Variants in CABLES1 observed in about 807,000 individuals in gnomAD.
CABLES1 encodes the protein Cdk5 and Abl enzyme substrate 1, also known as CDK5 and ABL1 enzyme substrate 1.
A neutral mutation model predicts 57.8 loss-of-function variants in CABLES1; 36 were observed. The observed-to-expected ratio is 0.62, with a 90% CI of 0.48 to 0.82. CABLES1 has a LOEUF of 0.82. CABLES1 is among the 40% of genes least tolerant of loss of function. CABLES1 has a pLI of 0.00. For missense variants in CABLES1, 767 were observed against 836.6 expected, an observed-to-expected ratio of 0.92 and a Z score of 1.03; for synonymous variants, 374 against 363.0, an observed-to-expected ratio of 1.03 and a Z score of -0.35.
chr18:23,252,598 T>C (rs1229611049), intron 7 of CABLES1, among the ~76,000 whole-genome samples: 1 of 152,114 alleles, frequency 6.6e-6, no homozygotes, highest in Admixed American at 6.6e-5. Context: ...CAAGTGGAGA[T>C]TGAACCCAGG....
chr18:23,237,015 G>A (rs774554331), intron 6 of CABLES1, 127 bp from the exon 7 acceptor site: 3 of 680,472 alleles, frequency 4.4e-6, no homozygotes, highest in East Asian at 5.3e-5. Flanking sequence ...GTGCCGTGAC[G>A]TTGAGCTAAG....
At position 23,238,059 on chromosome 18, in the gene CABLES1, C is replaced by T. The variant is rs188713172; in HGVS notation, c.1446+814C>T. On this transcript the variant is annotated intron_variant, in intron 7 of 9. Transcript: ENST00000256925. ...GTTTTGCATGTCCTGGCCCATGAGC[C>T]GGGCCTGGCGGGGCCGGCACAGCCG... 9.9e-5 allele frequency among the ~76,000 whole-genome samples: 15 copies of T among 151,160 alleles called. No individual in the cohort carries two copies. The East Asian group carries it at 2.1e-3, about 22-fold the overall frequency.
At chr18:23,236,206 G>A (rs17797183) in intron 6 of CABLES1, among the ~76,000 whole-genome samples, 155 bp downstream of exon 6, 30,880 of 152,118 alleles carry the variant, frequency 0.2, 3,582 homozygotes, top group Middle Eastern at 0.27. Flanking sequence ...ATGCAGGCCC[G>A]CAATGAAGCC....
At chr18:23,192,818 C>G (rs1300524094) in intron 2 of CABLES1, among the ~76,000 whole-genome samples, 1 of 152,170 alleles carries the variant, frequency 6.6e-6, no homozygotes, top group Non-Finnish European at 1.5e-5. Context: ...AGAAATGAGG[C>G]TGTTTGGAGT....
chr18:23,231,442 C>G (rs905987404), intron 4 of CABLES1, among the ~76,000 whole-genome samples: 3 of 152,240 alleles, frequency 2.0e-5, no homozygotes, highest in African/African-American at 7.2e-5. Flanking sequence ...TAACAAGCCT[C>G]ACGTGTCTCC....
intron 1 of CABLES1, among the ~76,000 whole-genome samples, chr18:23,137,290 G>A (rs1159314914): frequency 6.6e-6 from 1 of 152,204 alleles, no homozygotes; most frequent in African/African-American, 2.4e-5. Context: ...GTTAGCTGAA[G>A]TTATCTGGCG....
chr18:23,250,259 C>A (rs1253233789), intron 7 of CABLES1, among the ~76,000 whole-genome samples: 3 of 152,194 alleles, frequency 2.0e-5, no homozygotes, highest in Non-Finnish European at 4.4e-5. Context: ...TGAGCCTGCT[C>A]ACATCATTGC....
At chr18:23,161,641 T>C (rs2047004886) in intron 1 of CABLES1, among the ~76,000 whole-genome samples, 1 of 150,516 alleles carries the variant, frequency 6.6e-6, no homozygotes, top group Non-Finnish European at 1.5e-5. Context: ...CCGGGTGCAG[T>C]GGCTCATGCC....
intron 4 of CABLES1, among the ~76,000 whole-genome samples, chr18:23,232,618 G>C (rs1259791161): frequency 6.6e-6 from 1 of 152,212 alleles, no homozygotes; most frequent in Non-Finnish European, 1.5e-5. Context: ...TTGTGGGTGT[G>C]AACAGAGTTG....
At chr18:23,242,744 CAA>C (rs1324313570) in intron 7 of CABLES1, among the ~76,000 whole-genome samples, 1 of 152,152 alleles carries the variant, frequency 6.6e-6, no homozygotes, top group Non-Finnish European at 1.5e-5. Flanking sequence ...ATGTAAACCT[CAA>C]GAGAAACCTC....
In CABLES1 at chr18:23,247,800, C is replaced by T. The variant is rs891020187; in HGVS notation, c.1447-5160C>T. On this transcript the variant is annotated intron_variant, in intron 7 of 9. Coordinates refer to ENST00000256925, the MANE Select transcript of CABLES1 (RefSeq NM_001100619.3). ...CAGACAGGAGGCCAGGACAGAAGGC[C>T]GGGATGCAGAAGAGTCTGTCACCTA... Among the ~76,000 whole-genome samples, 6 of 152,212 alleles carry T rather than the reference C, an allele frequency of 3.9e-5. No homozygotes were observed. In the East Asian group the frequency reaches 7.7e-4, roughly 20 times the overall value.
intron 2 of CABLES1, 106 bp from the exon 3 acceptor site, chr18:23,194,342 G>A: frequency 2.9e-6 from 2 of 685,702 alleles, no homozygotes; most frequent in South Asian, 1.8e-5. Context: ...CTGCTTTGGG[G>A]TGACTCAAGC....
At chr18:23,199,274 G>A (rs1317043090) in intron 3 of CABLES1, among the ~76,000 whole-genome samples, 3 of 152,202 alleles carry the variant, frequency 2.0e-5, no homozygotes, top group Non-Finnish European at 2.9e-5. Flanking sequence ...GGAAAGTTGG[G>A]TGGTTCTTCA....
chr18:23,239,007 C>T (rs1335196739), intron 7 of CABLES1, among the ~76,000 whole-genome samples: 1 of 152,216 alleles, frequency 6.6e-6, no homozygotes, highest in Non-Finnish European at 1.5e-5. Flanking sequence ...CAGACACGTG[C>T]CTGGTGATAA....
chr18:23,225,106 A>G (rs2047518701), intron 4 of CABLES1, among the ~76,000 whole-genome samples: 2 of 152,142 alleles, frequency 1.3e-5, no homozygotes, highest in Admixed American at 6.5e-5. Flanking sequence ...GGCTCAAGCC[A>G]TCCTCCCACC....
chr18:23,135,018 C>A (rs1272165383), upstream of CABLES1, among the ~76,000 whole-genome samples: 1 of 152,162 alleles, frequency 6.6e-6, no homozygotes, highest in Non-Finnish European at 1.5e-5. Flanking sequence ...GGACCAACGG[C>A]CTTGCGGGGT....
intron 1 of CABLES1, among the ~76,000 whole-genome samples, chr18:23,183,740 G>C (rs1212037792): frequency 2.6e-5 from 4 of 152,164 alleles, no homozygotes; most frequent in African/African-American, 9.7e-5. Flanking sequence ...TTGGTCCAAG[G>C]CTAAGTGTTC....
At chr18:23,237,506 T>C (rs2047632616) in intron 7 of CABLES1, among the ~76,000 whole-genome samples, 1 of 152,198 alleles carries the variant, frequency 6.6e-6, no homozygotes, top group African/African-American at 2.4e-5. Flanking sequence ...CCCTCTCCTC[T>C]GAAGGGGGAT....
chr18:23,185,716 C>T (rs1368324388), intron 1 of CABLES1, among the ~76,000 whole-genome samples: 1 of 152,178 alleles, frequency 6.6e-6, no homozygotes, highest in Non-Finnish European at 1.5e-5. Flanking sequence ...TACTGGTCAC[C>T]TGAAAATGCT....
Sources: allele counts gnomAD v4.1 joint callset (sites outside exome capture counted in the v4.1 genomes callset), GRCh38; gene constraint gnomAD v4.1.1; transcripts MANE v1.5; gene names NCBI Gene and HGNC (gene_info 2026-07-23, HGNC 2026-07-21).